Variants in EPHA6 observed in about 807,000 individuals in gnomAD.
EPHA6 encodes the protein ephrin type-A receptor 6.
EPHA6 carries 50 observed loss-of-function variants against 112.0 expected under a neutral mutation model. The observed-to-expected ratio is 0.45, with a 90% CI of 0.36 to 0.56. The LOEUF is 0.56. EPHA6 is among the 20% of genes least tolerant of loss of function. EPHA6 has a pLI of 0.00. For missense variants in EPHA6, 1,280 were observed against 1,417.4 expected, an observed-to-expected ratio of 0.90 and a Z score of 1.56; for synonymous variants, 529 against 490.7, an observed-to-expected ratio of 1.08 and a Z score of -1.03.
intron 3 of EPHA6, among the ~76,000 whole-genome samples, chr3:97,038,633 A>C (rs962316561): frequency 1.3e-5 from 2 of 152,020 alleles, no homozygotes; most frequent in Admixed American, 1.3e-4. Context: ...TAGTCCCATC[A>C]TCCCCCTTTG....
At chr3:97,130,169 C>G (rs752373652) in intron 3 of EPHA6, among the ~76,000 whole-genome samples, 16 of 152,004 alleles carry the variant, frequency 1.1e-4, no homozygotes, top group Non-Finnish European at 2.1e-4. Context: ...AACTATTACT[C>G]ATTTCTGATA....
At chr3:97,220,866 A>G (rs916240702) in intron 3 of EPHA6, among the ~76,000 whole-genome samples, 16 of 152,326 alleles carry the variant, frequency 1.1e-4, no homozygotes, top group Non-Finnish European at 2.2e-4. Flanking sequence ...CATATCTACT[A>G]TTTAGAAATG....
At chr3:97,401,715 T>C (rs75158037) in intron 5 of EPHA6, among the ~76,000 whole-genome samples, 7,294 of 151,902 alleles carry the variant, frequency 0.048, 537 homozygotes, top group African/African-American at 0.16. Context: ...GTTTTGGGCT[T>C]GATTTGTTCT....
At chr3:97,245,207 T>C in intron 5 of EPHA6, among the ~76,000 whole-genome samples, 1 of 152,054 alleles carries the variant, frequency 6.6e-6, no homozygotes, top group Non-Finnish European at 1.5e-5. Flanking sequence ...TTCTCATAGC[T>C]TTGCAGGCTA....
In EPHA6 at chr3:97,617,142, G is replaced by A. The variant is rs530962618; in HGVS notation, c.2574+6288G>A. Among the ~76,000 whole-genome samples the A allele has an allele frequency of 3.3e-5, 5 of 152,240 alleles. No individual in the cohort carries two copies. The East Asian group carries it at 5.8e-4, about 18-fold the overall frequency. On this transcript the variant is annotated intron_variant, in intron 13 of 17. Coordinates refer to ENST00000389672, the MANE Select transcript of EPHA6 (RefSeq NM_001080448.3). The stretch of plus-strand genomic sequence containing the variant: ...GGGCATTCAACATTGTTAAAGGAAA[G>A]AGATTCCAACCCAGAATTTCATATC...
chr3:97,316,952 C>A (rs4857057), intron 5 of EPHA6, among the ~76,000 whole-genome samples: 29,762 of 151,626 alleles, frequency 0.2, 6,699 homozygotes, highest in African/African-American at 0.53. Context: ...TGTTTCATCT[C>A]TGAAATGAAA....
chr3:97,429,509 A>G (rs913748962), intron 6 of EPHA6, among the ~76,000 whole-genome samples: 1 of 152,146 alleles, frequency 6.6e-6, no homozygotes, highest in African/African-American at 2.4e-5. Context: ...TCTTTTTTAA[A>G]TATCACATGG....
At chr3:97,201,655 C>T (rs1398438706) in intron 3 of EPHA6, among the ~76,000 whole-genome samples, 1 of 152,052 alleles carries the variant, frequency 6.6e-6, no homozygotes, top group East Asian at 1.9e-4. Context: ...CATTTGTTTT[C>T]AAGTTAAATT....
chr3:97,180,578 G>A (rs1212737617), intron 3 of EPHA6, among the ~76,000 whole-genome samples: 3 of 152,074 alleles, frequency 2.0e-5, no homozygotes, highest in East Asian at 3.9e-4. Flanking sequence ...GATGAATGCT[G>A]CCAAGACTGG....
At chr3:97,367,538 T>C (rs1177463378) in intron 5 of EPHA6, among the ~76,000 whole-genome samples, 1 of 152,142 alleles carries the variant, frequency 6.6e-6, no homozygotes, top group Non-Finnish European at 1.5e-5. Context: ...AGTCCGAAGA[T>C]GGTAACAGTT....
chr3:97,362,536 G>T (rs1339449871), intron 5 of EPHA6, among the ~76,000 whole-genome samples: 1 of 151,932 alleles, frequency 6.6e-6, no homozygotes, highest in African/African-American at 2.4e-5. Flanking sequence ...AATGTTATAT[G>T]TATATGTTTA....
chr3:97,267,333 T>C (rs767891141), intron 5 of EPHA6, among the ~76,000 whole-genome samples: 1 of 152,114 alleles, frequency 6.6e-6, no homozygotes, highest in Non-Finnish European at 1.5e-5. Context: ...AGATACTTTC[T>C]TGCACCCACT....
chr3:97,473,936 T>A (rs940746678), intron 7 of EPHA6, among the ~76,000 whole-genome samples: 2 of 152,016 alleles, frequency 1.3e-5, no homozygotes, highest in African/African-American at 2.4e-5. Flanking sequence ...TAAGTTCTAA[T>A]TCTAAGATTT....
At chr3:97,065,801 A>G (rs1408255470) in intron 3 of EPHA6, among the ~76,000 whole-genome samples, 5 of 152,066 alleles carry the variant, frequency 3.3e-5, no homozygotes, top group African/African-American at 4.8e-5. Context: ...CAGTGTGTTC[A>G]GATCATATGA....
At chr3:97,452,531 G>C (rs1174104291) in intron 7 of EPHA6, among the ~76,000 whole-genome samples, 1 of 151,700 alleles carries the variant, frequency 6.6e-6, no homozygotes, top group African/African-American at 2.4e-5. Context: ...AGTGCCTACT[G>C]TGTACTGGCC....
chr3:96,941,832 T>G (rs143328541), intron 2 of EPHA6, among the ~76,000 whole-genome samples: 4,615 of 152,300 alleles, frequency 0.03, 213 homozygotes, highest in African/African-American at 0.097. Flanking sequence ...GACCCTCAGC[T>G]ACAGGTCTGT....
At chr3:96,912,535 G>T (rs1043686531) in intron 2 of EPHA6, among the ~76,000 whole-genome samples, 1 of 152,106 alleles carries the variant, frequency 6.6e-6, no homozygotes, top group East Asian at 1.9e-4. Flanking sequence ...TCTAACTGGG[G>T]ACCTAAAGGA....
intron 5 of EPHA6, among the ~76,000 whole-genome samples, chr3:97,255,144 A>ATGTGTGTGTGTGTG (rs10631180): frequency 1.4e-5 from 2 of 144,278 alleles, no homozygotes; most frequent in African/African-American, 5.0e-5. Context: ...TACATCTTGG[A>ATGTGTGTGTGTGTG]TGTGTGTGTG....
At chr3:97,007,319 AGC>A (rs1428671322) in intron 3 of EPHA6, among the ~76,000 whole-genome samples, 13 of 152,170 alleles carry the variant, frequency 8.5e-5, no homozygotes, top group African/African-American at 3.1e-4. Flanking sequence ...CAGAATAGTT[AGC>A]TCTTCTTGTT....
Sources: allele counts gnomAD v4.1 joint callset (sites outside exome capture counted in the v4.1 genomes callset), GRCh38; gene constraint gnomAD v4.1.1; transcripts MANE v1.5; gene names NCBI Gene and HGNC (gene_info 2026-07-23, HGNC 2026-07-21).